Variants in EPS8 observed in about 807,000 individuals in gnomAD.
EPS8 encodes the protein epidermal growth factor receptor kinase substrate 8.
A neutral mutation model predicts 103.8 loss-of-function variants in EPS8; 42 were observed. The ratio of observed to expected loss-of-function variants is 0.40; its 90% CI spans 0.32 to 0.52. EPS8 has a LOEUF of 0.52. Ranked by LOEUF, EPS8 falls within the 20% of genes least tolerant of loss-of-function variation. The pLI is 0.40. For missense variants in EPS8, 969 were observed against 1,005.1 expected, an observed-to-expected ratio of 0.96 and a Z score of 0.49; for synonymous variants, 344 against 344.6, an observed-to-expected ratio of 1.00 and a Z score of 0.02.
chr12:15,681,191 A>G (rs758889988), intron 3 of EPS8, 35 bp downstream of exon 3: 2 of 1,177,366 alleles, frequency 1.7e-6, no homozygotes, highest in South Asian at 2.9e-5. Context: ...AGTGGTTAGA[A>G]ACAAAATTAT....
rs1207331977 is a variant in EPS8, at chr12:15,781,023, C to G, written c.-22+8138G>C. Among the ~76,000 whole-genome samples the G allele has an allele frequency of 6.6e-6, 1 of 152,158 alleles. No homozygotes were observed. The highest frequency in any genetic ancestry group is 2.4e-5 in the African/African-American group (1 of 41,438). ...AACTTAACTGACTCAGTTCCCTGCC[C>G]TTGAGAAGCTTTAAATACAATGAGG... is the stretch of plus-strand genomic sequence containing the variant. On this transcript the variant is annotated intron_variant, in intron 1 of 20. Transcript: ENST00000281172. The surrounding 1 kb of genome is among the most constrained non-coding windows in gnomAD (Gnocchi z 4.1).
rs574909276 is a variant in EPS8 at position 15,683,000 on chromosome 12, A to G, written c.-21-28T>C. 24 of 1,292,700 alleles carry G rather than the reference A, an allele frequency of 1.9e-5. No individual in the cohort carries two copies. The African/African-American group carries it at 3.0e-4, about 16-fold the overall frequency. 80.1% of individuals were successfully genotyped at this position (1,292,700 alleles called of 1,614,324 possible). Reference sequence around the variant, plus strand: ...AAAAAAAGAAAGACACATAGATTAAAGGCAATAAAAAGGTCAAGACATCTC... The same window carrying G: ...AAAAAAAGAAAGACACATAGATTAAGGGCAATAAAAAGGTCAAGACATCTC... On this transcript the variant is annotated intron_variant, in intron 1 of 20. Transcript: ENST00000281172.
intron 1 of EPS8, among the ~76,000 whole-genome samples, chr12:15,746,051 T>A (rs889738811): frequency 6.6e-6 from 1 of 152,132 alleles, no homozygotes; most frequent in African/African-American, 2.4e-5. Flanking sequence ...TACGATTATA[T>A]CATCAGGCCA....
intron 1 of EPS8, among the ~76,000 whole-genome samples, chr12:15,783,880 T>C (rs570302276): frequency 6.6e-6 from 1 of 152,202 alleles, no homozygotes; most frequent in Non-Finnish European, 1.5e-5. Flanking sequence ...AATAAAAACA[T>C]TTTCAATTCT....
At chr12:15,639,677 T>C (rs1945195033) in intron 17 of EPS8, among the ~76,000 whole-genome samples, 1 of 152,166 alleles carries the variant, frequency 6.6e-6, no homozygotes, top group South Asian at 2.1e-4. Context: ...ACACCAGGCA[T>C]GAATGTCATG....
chr12:15,782,045 A>G (rs938099556), intron 1 of EPS8: 1 of 152,250 alleles, frequency 6.6e-6, no homozygotes, highest in Non-Finnish European at 1.5e-5. Context: ...TATGTAAACT[A>G]TAGTACATCA....
Position 15,681,245 on chromosome 12 carries a change from T to C in EPS8, c.117A>G (p.Thr39=). ...SQTDREHGSK[T]SAKALYEQRK... is the part of the protein sequence containing the mutation. ...ACCTACCATAAAGGGCCTTTGCACT[T>C]GTTTTTGAACCATGTTCTCTGTCCG... Residue 39 remains threonine, a synonymous_variant, in exon 3 of 21, where the codon ACA becomes ACG. Transcript: ENST00000281172. The C allele has an allele frequency of 6.4e-7, 1 of 1,570,882 alleles. No individual in the cohort carries two copies. The highest frequency in any genetic ancestry group is 1.2e-5 in the South Asian group (1 of 84,712).
chr12:15,654,168 C>T lies in EPS8; in HGVS notation c.1227G>A (p.Leu409=). The change falls in exon 13 of 21, where the codon TTG becomes TTA. Residue 409 remains leucine (L), a synonymous_variant. Transcript: ENST00000281172. ...NGDERQLWMS[L]GGTWMKARAE... is the part of the protein sequence containing the mutation. The stretch of plus-strand genomic sequence containing the variant: ...ACCTGGCTTTCATCCAAGTTCCTCC[C>T]AATGACATCCACAGCTGCCGTTCAT... 6 of 1,613,824 alleles carry T rather than the reference C, an allele frequency of 3.7e-6. No homozygotes were observed. Among genetic ancestry groups the T allele is most frequent in the Non-Finnish European group, 5.1e-6 (6 of 1,179,816 alleles).
rs180900468 is a variant in EPS8, at chr12:15,778,827, T to C, written c.-22+10334A>G. Among the ~76,000 whole-genome samples, 19 of 152,278 alleles carry C rather than the reference T, an allele frequency of 1.2e-4. No homozygotes were observed. Among genetic ancestry groups the C allele is most frequent in the African/African-American group, 4.6e-4 (19 of 41,570 alleles). On this transcript the variant is annotated intron_variant, in intron 1 of 20. Transcript: ENST00000281172. The surrounding 1 kb of genome is among the most constrained non-coding windows in gnomAD (Gnocchi z 4.5). Reference sequence around the variant, plus strand: ...GTAGTGTTTTCATTTCTTCCATATATGAAAGAAACTATCAAATGCAGAGTT... The same window carrying C: ...GTAGTGTTTTCATTTCTTCCATATACGAAAGAAACTATCAAATGCAGAGTT...
chr12:15,712,568 A>T (rs1053511226), intron 1 of EPS8, among the ~76,000 whole-genome samples: 1 of 152,210 alleles, frequency 6.6e-6, no homozygotes, highest in Non-Finnish European at 1.5e-5. Flanking sequence ...GGGGAAAATT[A>T]TTCTCTTAAA....
intron 10 of EPS8, among the ~76,000 whole-genome samples, chr12:15,658,854 G>A (rs923096413): frequency 3.9e-5 from 6 of 152,122 alleles, no homozygotes; most frequent in Non-Finnish European, 7.4e-5. Flanking sequence ...CATTGTGCAA[G>A]TGAGTAACTG....
At chr12:15,642,891 G>A (rs748384410) in intron 15 of EPS8, among the ~76,000 whole-genome samples, 1 of 152,054 alleles carries the variant, frequency 6.6e-6, no homozygotes, top group Non-Finnish European at 1.5e-5. Flanking sequence ...GGGAGACAGG[G>A]ACAAAGCAAA....
Position 15,762,508 on chromosome 12 carries a change from A to G in EPS8, c.-22+26653T>C, listed in dbSNP as rs945306389. The stretch of plus-strand genomic sequence containing the variant: ...TCCCATATTTGTTGCAGCACTGTTT[A>G]CAATCACCAAGATTTGGAAGCAACC... On this transcript the variant is annotated intron_variant, in intron 1 of 20. Coordinates refer to ENST00000281172, the MANE Select transcript of EPS8 (RefSeq NM_004447.6). This position sits in a 1 kb window ranked among gnomAD's most constrained non-coding sequence, Gnocchi z 4.8. Among the ~76,000 whole-genome samples the G allele has an allele frequency of 6.6e-6, 1 of 152,250 alleles. No homozygotes were observed. The highest frequency in any genetic ancestry group is 1.5e-5 in the Non-Finnish European group (1 of 68,042).
intron 12 of EPS8, among the ~76,000 whole-genome samples, chr12:15,654,725 G>A (rs558719642): frequency 6.6e-6 from 1 of 152,024 alleles, no homozygotes; most frequent in Non-Finnish European, 1.5e-5. Flanking sequence ...CAATACTATC[G>A]AGAGTTAACA....
At chr12:15,719,194 T>C (rs1393837278) in intron 1 of EPS8, among the ~76,000 whole-genome samples, 1 of 151,702 alleles carries the variant, frequency 6.6e-6, no homozygotes, top group Non-Finnish European at 1.5e-5. Flanking sequence ...TATGTATATA[T>C]AAACATACAT....
chr12:15,788,639 G>C (rs574668618), intron 1 of EPS8, among the ~76,000 whole-genome samples: 1 of 152,326 alleles, frequency 6.6e-6, no homozygotes, highest in Admixed American at 6.5e-5. Context: ...ACAGCCATTA[G>C]GCATTGACAA....
rs563719733 is a variant in EPS8, at chr12:15,737,888, T to C, written c.-22+51273A>G. On this transcript the variant is annotated intron_variant, in intron 1 of 20. Coordinates refer to ENST00000281172, the MANE Select transcript of EPS8 (RefSeq NM_004447.6). Reference sequence around the variant, plus strand: ...GTTTATGATTTGGATCTATCTGCTCTATATTCCTCAGGTGTTTTTTGTAAG... The same window carrying C: ...GTTTATGATTTGGATCTATCTGCTCCATATTCCTCAGGTGTTTTTTGTAAG... 1.3e-3 allele frequency among the ~76,000 whole-genome samples: 192 copies of C among 152,276 alleles called. 1 individual carries two copies. The highest frequency in any genetic ancestry group is 4.3e-3 in the African/African-American group (179 of 41,560).
At chr12:15,732,755 A>G (rs1412649494) in intron 1 of EPS8, 1 of 982,568 alleles carries the variant, frequency 1.0e-6, no homozygotes, top group African/African-American at 1.7e-5. Flanking sequence ...TACTTGCCAG[A>G]TTACTCATAG....
intron 4 of EPS8, 85 bp from the exon 5 acceptor site, chr12:15,669,910 A>G (rs1945786159): frequency 9.7e-7 from 1 of 1,032,174 alleles, no homozygotes; most frequent in African/African-American, 1.6e-5. Context: ...AAGAAAATCA[A>G]ATAACCTGAG....
Sources: allele counts gnomAD v4.1 joint callset (sites outside exome capture counted in the v4.1 genomes callset), GRCh38; gene constraint gnomAD v4.1.1; non-coding constraint Gnocchi (gnomAD v3.1); transcripts MANE v1.5; gene names NCBI Gene and HGNC (gene_info 2026-07-23, HGNC 2026-07-21).